Variants in GRAMD4 observed in about 807,000 individuals in gnomAD.
GRAMD4 encodes the protein GRAM domain-containing protein 4.
A neutral mutation model predicts 83.9 loss-of-function variants in GRAMD4; 25 were observed. The ratio of observed to expected loss-of-function variants is 0.30; its 90% confidence interval spans 0.22 to 0.42. GRAMD4 has a LOEUF of 0.42. Ranked by LOEUF, GRAMD4 falls within the 10% of genes least tolerant of loss-of-function variation. The pLI is 1.00. For missense variants in GRAMD4, 593 were observed against 788.7 expected (o/e 0.75, Z 2.97); for synonymous variants, 336 against 320.9 (o/e 1.05, Z -0.50).
chr22:46,675,690 C>A (rs1022733959), intron 17 of GRAMD4, 138 bp downstream of exon 17: 1 of 661,274 alleles, frequency 1.5e-6, no homozygotes. Flanking sequence ...GGCCATGGTC[C>A]GTTTCCTTGA....
chr22:46,664,373 G>A (rs1004388890), intron 8 of GRAMD4, among the ~76,000 whole-genome samples: 2 of 152,204 alleles, frequency 1.3e-5, no homozygotes, highest in African/African-American at 2.4e-5. Context: ...GGGATGTGGT[G>A]CAGCCTTGTC....
downstream of GRAMD4, chr22:46,682,372 T>C: frequency 1.1e-6 from 1 of 939,776 alleles, no homozygotes; most frequent in Non-Finnish European, 1.3e-6. Context: ...TGTTACTATC[T>C]GTAAATGATA....
chr22:46,632,422 A>T (rs1043007079), intron 2 of GRAMD4, among the ~76,000 whole-genome samples: 8 of 152,192 alleles, frequency 5.3e-5, no homozygotes, highest in African/African-American at 1.7e-4. Flanking sequence ...TGGAGAAAAT[A>T]GTTCTAGAAA....
At chr22:46,618,818 G>A (rs2081536872), upstream of GRAMD4, among the ~76,000 whole-genome samples, 2 of 148,654 alleles carry the variant, frequency 1.3e-5, no homozygotes, top group South Asian at 4.2e-4. This position sits in a 1 kb window ranked among gnomAD's most constrained non-coding sequence, Gnocchi z 5.8. Context: ...GTTGGCAGTG[G>A]AGTGAGGAAC....
At chr22:46,643,165 A>C (rs1167145351) in intron 3 of GRAMD4, among the ~76,000 whole-genome samples, 2 of 149,356 alleles carry the variant, frequency 1.3e-5, no homozygotes, top group African/African-American at 2.4e-5. Context: ...CCATCCATCC[A>C]TCCATCCATC....
chr22:46,668,764 C>A (rs369148392), intron 12 of GRAMD4, 32 bp downstream of exon 12: 3 of 1,175,880 alleles, frequency 2.6e-6, no homozygotes, highest in Admixed American at 3.6e-5. Context: ...GGCCCTGCGG[C>A]GCCCGCCCGG....
chr22:46,664,923 C>T (rs969918015), intron 8 of GRAMD4, among the ~76,000 whole-genome samples: 2 of 152,230 alleles, frequency 1.3e-5, no homozygotes, highest in Non-Finnish European at 2.9e-5. Context: ...GTGCCTGCTG[C>T]GGGCACTTAC....
Position 46,678,993 on chromosome 22 carries a change from T to G in GRAMD4, c.*1742T>G. 1 of 985,776 alleles carries G rather than the reference T, an allele frequency of 1.0e-6. No homozygotes were observed. Among genetic ancestry groups the G allele is most frequent in the Non-Finnish European group, 1.2e-6 (1 of 830,018 alleles). The allele number at this position is 985,776 out of a possible 1,614,324, so 61.1% of individuals were successfully genotyped here. A position where few individuals can be genotyped will look rare whatever the true frequency, so the allele number is the denominator to read the frequency against. ...ACCCGCTCTGAGCCGTGGGTCTGGC[T>G]CCTGTAGGGGACTGGCTCTCTTGGT... On this transcript the variant is annotated 3_prime_UTR_variant, in exon 19 of 19. Coordinates refer to ENST00000406902, the MANE Select transcript of GRAMD4 (RefSeq NM_015124.5).
rs374680937 is a variant in GRAMD4, at chr22:46,677,235, C to G, written c.1721C>G (p.Ser574Cys). 6.3e-5 allele frequency: 102 copies of G among 1,613,052 alleles called. 1 individual carries two copies. The highest frequency in any genetic ancestry group is 2.6e-5 in the Non-Finnish European group (31 of 1,179,714). ...ATCAAGATCACCTCAGCGGCAGCGT[C>G]TGGCGGGGACAGCTAGTATTGACTT... is the stretch of plus-strand genomic sequence containing the variant. ...QYIKITSAAA[S>C]GGDS Residue 574 changes from serine (S) to cysteine (C), a missense_variant, in exon 19 of 19, where the codon TCT becomes TGT. This residue lies in a region of GRAMD4 where 74 missense variants were observed against 152.7 expected (regional missense o/e 0.48). Coordinates refer to ENST00000406902, the MANE Select transcript of GRAMD4 (RefSeq NM_015124.5).
intron 18 of GRAMD4, 125 bp downstream of exon 18, chr22:46,676,793 C>T (rs755463022): frequency 1.0e-5 from 9 of 860,664 alleles, no homozygotes; most frequent in South Asian, 3.0e-5. Flanking sequence ...GTCACAAAGC[C>T]GCCCCCTCCC....
intron 2 of GRAMD4, among the ~76,000 whole-genome samples, chr22:46,631,895 G>C (rs1464165651): frequency 5.0e-5 from 1 of 19,824 alleles, no homozygotes. Context: ...GGGGACCGGG[G>C]ATGGGTAGAA....
chr22:46,577,759 G>A (rs2081058124), intron 1 of GRAMD4, among the ~76,000 whole-genome samples: 1 of 152,200 alleles, frequency 6.6e-6, no homozygotes, highest in Non-Finnish European at 1.5e-5. Flanking sequence ...AAAGTTGTGG[G>A]CGCTTGTCCC....
intron 1 of GRAMD4, among the ~76,000 whole-genome samples, chr22:46,613,264 C>T (rs557656522): frequency 1.3e-5 from 2 of 152,366 alleles, no homozygotes; most frequent in South Asian, 2.1e-4. Context: ...CGAGGTCACA[C>T]AGCTGTGGCC....
intron 2 of GRAMD4, among the ~76,000 whole-genome samples, chr22:46,628,371 C>T (rs2081704302): frequency 1.3e-5 from 2 of 152,122 alleles, no homozygotes; most frequent in South Asian, 4.1e-4. Context: ...AGCATGGACT[C>T]AGGCAGGTTC....
chr22:46,603,091 CT>C (rs2081327383), intron 1 of GRAMD4, among the ~76,000 whole-genome samples: 1 of 151,584 alleles, frequency 6.6e-6, no homozygotes, highest in South Asian at 2.1e-4. Flanking sequence ...CAAATGAATC[CT>C]TTGTGGTGTG....
chr22:46,644,876 G>A (rs777416834), intron 3 of GRAMD4, among the ~76,000 whole-genome samples: 1 of 138,666 alleles, frequency 7.2e-6, no homozygotes, highest in Non-Finnish European at 1.5e-5. Flanking sequence ...GGGACTATAG[G>A]CACATTGCAC....
intron 13 of GRAMD4, among the ~76,000 whole-genome samples, chr22:46,671,733 G>C (rs562963002): frequency 6.6e-6 from 1 of 151,124 alleles, no homozygotes; most frequent in Non-Finnish European, 1.5e-5. Flanking sequence ...CCAGCTACTC[G>C]AGAGGCTGAG....
intron 14 of GRAMD4, 98 bp downstream of exon 14, chr22:46,673,095 G>C: frequency 1.0e-6 from 1 of 993,084 alleles, no homozygotes; most frequent in Non-Finnish European, 1.4e-6. Context: ...GGCTCATTTA[G>C]AGGCTGTTTC....
chr22:46,622,083 A>T lies in GRAMD4; in HGVS notation c.-50+1518A>T, dbSNP rs991779608. Among the ~76,000 whole-genome samples the T allele has an allele frequency of 6.6e-6, 1 of 152,132 alleles. No individual in the cohort carries two copies. The highest frequency in any genetic ancestry group is 1.5e-5 in the Non-Finnish European group (1 of 68,004). On this transcript the variant is annotated intron_variant, in intron 1 of 18. Coordinates refer to ENST00000406902, the MANE Select transcript of GRAMD4 (RefSeq NM_015124.5). This position sits in a 1 kb window ranked among gnomAD's most constrained non-coding sequence, Gnocchi z 4.0. ...AGGAGTAGCTGGACACTGGCGGGGCACGCATTGCATTCTGATGGTGACAGG... is the reference window on the plus strand; with the variant it reads ...AGGAGTAGCTGGACACTGGCGGGGCTCGCATTGCATTCTGATGGTGACAGG...
Sources: allele counts gnomAD v4.1 joint callset (sites outside exome capture counted in the v4.1 genomes callset), GRCh38; gene constraint gnomAD v4.1.1; regional missense constraint gnomAD v4.1.1; non-coding constraint Gnocchi (gnomAD v3.1); transcripts MANE v1.5; gene names NCBI Gene and HGNC (gene_info 2026-07-23, HGNC 2026-07-21).